PDE4D: variants seen among roughly 807,000 people sequenced by gnomAD.
PDE4D encodes 3',5'-cyclic-AMP phosphodiesterase 4D.
Under a neutral mutation model 87.4 loss-of-function variants are expected in PDE4D, and 24 were observed. The observed-to-expected ratio is 0.27, with a 90% CI of 0.20 to 0.39. PDE4D has a LOEUF of 0.39. Among genes scored for constraint, PDE4D ranks in the 10% least tolerant of loss-of-function variants. The probability of loss-of-function intolerance (pLI) is 1.00; values close to 1 mark genes in which losing one functional copy is unlikely to be tolerated. For synonymous variants in PDE4D, 384 were observed against 383.2 expected (o/e 1.00, Z -0.02); for missense variants, 714 against 1,041.0 (o/e 0.69, Z 4.32).
chr5:60,032,786 G>A (rs1767383065), intron 2 of PDE4D: 1 of 152,122 alleles, frequency 6.6e-6, no homozygotes, highest in African/African-American at 2.4e-5. Flanking sequence ...GTTCTTTTAG[G>A]GAAGGATGTA....
intron 2 of PDE4D, among the ~76,000 whole-genome samples, chr5:60,063,959 C>G (rs760407069): frequency 6.6e-6 from 1 of 151,912 alleles, no homozygotes; most frequent in South Asian, 2.1e-4. Context: ...TAGATTGGCC[C>G]GAGGAGATGT....
intron 5 of PDE4D, among the ~76,000 whole-genome samples, chr5:59,145,608 A>G (rs953984210): frequency 6.6e-6 from 1 of 152,214 alleles, no homozygotes; most frequent in African/African-American, 2.4e-5. Context: ...AGTAAGCAAG[A>G]AAAACACTAT....
intron 2 of PDE4D, among the ~76,000 whole-genome samples, chr5:60,060,507 T>C (rs1203905283): frequency 6.6e-6 from 1 of 152,090 alleles, no homozygotes; most frequent in Non-Finnish European, 1.5e-5. Flanking sequence ...AATTCTACCC[T>C]TTGTTCAAAA....
chr5:59,483,585 C>T (rs1804617441), intron 1 of PDE4D, among the ~76,000 whole-genome samples: 1 of 152,158 alleles, frequency 6.6e-6, no homozygotes, highest in African/African-American at 2.4e-5. Flanking sequence ...CCCAGCATTG[C>T]TGATACTAAG....
At chr5:59,243,016 G>A (rs769616808) in intron 1 of PDE4D, among the ~76,000 whole-genome samples, 1 of 152,120 alleles carries the variant, frequency 6.6e-6, no homozygotes, top group Non-Finnish European at 1.5e-5. Flanking sequence ...GAGACAGCAG[G>A]CACAGTATTT....
At chr5:58,983,963 C>A (rs185148457) in intron 11 of PDE4D, among the ~76,000 whole-genome samples, 5 of 152,222 alleles carry the variant, frequency 3.3e-5, no homozygotes, top group African/African-American at 1.2e-4. Flanking sequence ...CAGATCAGAG[C>A]CAATATTAAG....
chr5:59,463,806 ATCAGATTG>A (rs1221258578), intron 1 of PDE4D, among the ~76,000 whole-genome samples: 1 of 152,192 alleles, frequency 6.6e-6, no homozygotes, highest in Non-Finnish European at 1.5e-5. Context: ...AGCAAGAGAG[ATCAGATTG>A]TCACTGTGTC....
chr5:59,923,678 T>C (rs1211820585), intron 3 of PDE4D, among the ~76,000 whole-genome samples: 1 of 152,238 alleles, frequency 6.6e-6, no homozygotes, highest in Non-Finnish European at 1.5e-5. Context: ...TGCCCCCTAA[T>C]GCAGACATAG....
Position 59,060,713 on chromosome 5 carries a change from T to C in PDE4D, c.809-21742A>G, listed in dbSNP as rs929802862. Among the ~76,000 whole-genome samples, 4 of 152,164 alleles carry C rather than the reference T, an allele frequency of 2.6e-5. No homozygotes were observed. In the East Asian group the frequency reaches 7.7e-4, roughly 29 times the overall value. ...GCCAGGCTGAGACTTGGATGTTGGA[T>C]GACTTTCTTCCAGCTTACTCTGATT... On this transcript the variant is annotated intron_variant, in intron 5 of 14. Transcript: ENST00000340635.
At chr5:59,489,920 T>A (rs1278739866) in intron 1 of PDE4D, among the ~76,000 whole-genome samples, 2 of 152,208 alleles carry the variant, frequency 1.3e-5, no homozygotes, top group Non-Finnish European at 2.9e-5. Flanking sequence ...ATAATAGTTA[T>A]CTAAGATTTC....
chr5:60,504,343 T>C (rs1159957837), intron 1 of PDE4D, among the ~76,000 whole-genome samples: 1 of 152,120 alleles, frequency 6.6e-6, no homozygotes. Flanking sequence ...AGGTTTTTTT[T>C]TTTAGGTCTT....
At position 60,378,413 on chromosome 5, in the gene PDE4D, T is replaced by C. The variant is rs1761593198; in HGVS notation, c.-90+109529A>G. ...TTCGTTCAATATCCTCTAATCACCT[T>C]TGCCATGTTTTTCAACATCTCATTA... is the stretch of plus-strand genomic sequence containing the variant. On this transcript the variant is annotated intron_variant, in intron 1 of 16. Coordinates refer to the PDE4D transcript ENST00000502484. 2.0e-5 allele frequency among the ~76,000 whole-genome samples: 3 copies of C among 152,310 alleles called. No individual in the cohort carries two copies. The South Asian group carries it at 6.2e-4, about 32-fold the overall frequency.
chr5:59,780,091 C>A (rs1235339853), intron 1 of PDE4D, among the ~76,000 whole-genome samples: 1 of 152,112 alleles, frequency 6.6e-6, no homozygotes, highest in East Asian at 1.9e-4. Flanking sequence ...GAGCCGGGCG[C>A]GGTGGCTCAC....
At chr5:59,597,992 C>T (rs1826949479) in intron 1 of PDE4D, among the ~76,000 whole-genome samples, 1 of 152,082 alleles carries the variant, frequency 6.6e-6, no homozygotes, top group Admixed American at 6.6e-5. Flanking sequence ...TCGCAATAGA[C>T]TATATAAATC....
chr5:60,053,946 A>G (rs560509300), intron 2 of PDE4D, among the ~76,000 whole-genome samples: 1 of 152,314 alleles, frequency 6.6e-6, no homozygotes, highest in African/African-American at 2.4e-5. Flanking sequence ...GCTCATTACC[A>G]CTGGTCATTA....
At chr5:59,031,666 C>T (rs1169450637) in intron 6 of PDE4D, among the ~76,000 whole-genome samples, 1 of 138,162 alleles carries the variant, frequency 7.2e-6, no homozygotes, top group African/African-American at 2.7e-5. Context: ...CGAGATCACA[C>T]CACTGCACTC....
At chr5:60,063,573 T>C (rs979766347) in intron 2 of PDE4D, among the ~76,000 whole-genome samples, 18 of 152,046 alleles carry the variant, frequency 1.2e-4, no homozygotes, top group African/African-American at 4.3e-4. Flanking sequence ...TTGAAAGAGA[T>C]GGAGATTGAG....
intron 5 of PDE4D, among the ~76,000 whole-genome samples, chr5:59,146,735 T>TA (rs1351655413): frequency 6.6e-6 from 1 of 152,122 alleles, no homozygotes; most frequent in African/African-American, 2.4e-5. Flanking sequence ...AGAAAAACTA[T>TA]AAAAAACAAT....
chr5:59,568,911 C>A (rs1387717530), intron 1 of PDE4D, among the ~76,000 whole-genome samples: 1 of 151,860 alleles, frequency 6.6e-6, no homozygotes, highest in African/African-American at 2.4e-5. Context: ...TAATAATGTA[C>A]CAATACTGGT....
Sources: gnomAD v4.1 joint callset for allele counts (sites outside exome capture counted in the v4.1 genomes callset) on GRCh38, gnomAD v4.1.1 for gene constraint, MANE v1.5 for transcripts, NCBI Gene and HGNC (gene_info 2026-07-23, HGNC 2026-07-21) for gene names.